CD82: variants seen among roughly 807,000 people sequenced by gnomAD.
The protein encoded by CD82 is CD82 molecule.
In CD82, 36 loss-of-function variants were observed where a neutral mutation model predicts 37.4. The ratio of observed to expected loss-of-function variants is 0.96; its 90% CI spans 0.74 to 1.27. The LOEUF (loss-of-function observed/expected upper bound fraction) is 1.27, where lower values mean the gene tolerates loss of function less well. Among genes scored for constraint, CD82 ranks in the 50% most tolerant of loss-of-function variants. The probability of loss-of-function intolerance (pLI) is 0.00; values close to 1 mark genes in which losing one functional copy is unlikely to be tolerated. For synonymous variants in CD82, 158 were observed against 137.4 expected (o/e 1.15, Z -1.05); for missense variants, 340 against 347.0 (o/e 0.98, Z 0.16).
chr11:44,589,990 CGCCT>C (rs1167611322), intron 2 of CD82, among the ~76,000 whole-genome samples: 5 of 152,180 alleles, frequency 3.3e-5, no homozygotes, highest in Admixed American at 6.5e-5. Context: ...CCCGCCACCA[CGCCT>C]GGCTAATTTT....
intron 4 of CD82, among the ~76,000 whole-genome samples, chr11:44,603,181 G>A (rs1175694174): frequency 6.6e-6 from 1 of 152,188 alleles, no homozygotes; most frequent in Non-Finnish European, 1.5e-5. Flanking sequence ...AGTGCCAGAA[G>A]ATCCCCGCAC....
At chr11:44,587,001 C>T (rs1282491917) in intron 1 of CD82, among the ~76,000 whole-genome samples, 5 of 152,172 alleles carry the variant, frequency 3.3e-5, no homozygotes, top group Non-Finnish European at 5.9e-5. Flanking sequence ...TGTAACAACC[C>T]AGATGTCAAC....
chr11:44,596,639 G>C (rs559643774), intron 3 of CD82, among the ~76,000 whole-genome samples: 11 of 152,298 alleles, frequency 7.2e-5, no homozygotes, highest in African/African-American at 2.6e-4. Context: ...GGTGTTAACT[G>C]TCTGTGTACT....
rs1853598310 is a variant in CD82 at position 44,618,351 on chromosome 11, C to T, written c.628C>T (p.Pro210Ser). 6.2e-7 allele frequency: 1 copy of T among 1,613,062 alleles called. No individual in the cohort carries two copies. Among genetic ancestry groups the T allele is most frequent in the Non-Finnish European group, 8.5e-7 (1 of 1,179,958 alleles). ...GAGTGGCAACCACCCTGAGGACTGG[C>T]CTGTGTACCAGGAGGTGTGCGGGGG... ...TQSGNHPEDW[P>S]VYQEGCMEKV... The change falls in exon 8 of 10, where the codon CCT (proline) becomes TCT (serine). Residue 210 changes from proline to serine, a missense_variant. Transcript: ENST00000227155.
intron 2 of CD82, 59 bp downstream of exon 2, chr11:44,587,615 G>A (rs1425691921): frequency 1.8e-5 from 8 of 455,394 alleles, no homozygotes; most frequent in South Asian, 7.8e-5. Context: ...GCTGTGAGGC[G>A]AGGAAGGTGG....
chr11:44,572,287 A>C (rs1852824992), intron 1 of CD82, among the ~76,000 whole-genome samples: 1 of 152,234 alleles, frequency 6.6e-6, no homozygotes, highest in Non-Finnish European at 1.5e-5. Flanking sequence ...CCCGTTACGA[A>C]ATACAATTAT....
At position 44,615,331 on chromosome 11, in the gene CD82, C is replaced by G; in HGVS notation, c.396C>G (p.Arg132=). The G allele has an allele frequency of 5.0e-6, 8 of 1,613,722 alleles. No homozygotes were observed. The highest frequency in any genetic ancestry group is 6.8e-6 in the Non-Finnish European group (8 of 1,179,654). The change falls in exon 7 of 10, where the codon CGC becomes CGG. Residue 132 remains arginine, a synonymous_variant. Coordinates refer to ENST00000227155, the MANE Select transcript of CD82 (RefSeq NM_002231.4). ...TCATTCGAGACTACAACAGCAGTCG[C>G]GAGGACAGCCTGCAGGATGCCTGGG... ...TELIRDYNSS[R]EDSLQDAWDY...
At chr11:44,588,620 G>A (rs913652437) in intron 2 of CD82, among the ~76,000 whole-genome samples, 1 of 152,214 alleles carries the variant, frequency 6.6e-6, no homozygotes, top group Non-Finnish European at 1.5e-5. Context: ...GGAGGCATTA[G>A]AACTGCATTC....
intron 6 of CD82, among the ~76,000 whole-genome samples, chr11:44,610,998 C>T (rs992218564): frequency 6.6e-6 from 1 of 152,064 alleles, no homozygotes; most frequent in African/African-American, 2.4e-5. Flanking sequence ...CCAGGCCCAG[C>T]TAATTTTTGT....
At chr11:44,607,203 A>G (rs1329916930) in intron 6 of CD82, among the ~76,000 whole-genome samples, 3 of 152,246 alleles carry the variant, frequency 2.0e-5, no homozygotes, top group African/African-American at 7.2e-5. Flanking sequence ...TCAACAAATA[A>G]CATTTAATAG....
chr11:44,575,033 T>C (rs1450517548), intron 1 of CD82, among the ~76,000 whole-genome samples: 1 of 152,244 alleles, frequency 6.6e-6, no homozygotes, highest in Non-Finnish European at 1.5e-5. Flanking sequence ...CCAGCTCAGA[T>C]GGTTTTTAAA....
chr11:44,616,359 G>A (rs1853563959), intron 7 of CD82, among the ~76,000 whole-genome samples: 2 of 152,260 alleles, frequency 1.3e-5, no homozygotes, highest in African/African-American at 2.4e-5. Context: ...TGTTTTGGTC[G>A]CATATGTAGT....
upstream of CD82, chr11:44,564,555 C>G: frequency 2.2e-6 from 1 of 453,810 alleles, no homozygotes; most frequent in South Asian, 1.6e-5. Context: ...AGGGCTGGGA[C>G]GCAGGGTGGG....
At chr11:44,589,170 C>T (rs756660917) in intron 2 of CD82, among the ~76,000 whole-genome samples, 16 of 152,324 alleles carry the variant, frequency 1.1e-4, no homozygotes, top group African/African-American at 2.4e-4. Context: ...GCAGGAGAAT[C>T]ACTTGACCCT....
At chr11:44,589,818 G>A (rs75690518) in intron 2 of CD82, among the ~76,000 whole-genome samples, 2 of 152,248 alleles carry the variant, frequency 1.3e-5, no homozygotes, top group South Asian at 2.1e-4. Flanking sequence ...AAGGGTAGTC[G>A]TGACCCTTGC....
At chr11:44,605,017 C>A (rs760118320) in intron 4 of CD82, 41 bp from the exon 5 acceptor site, 3 of 1,614,076 alleles carry the variant, frequency 1.9e-6, no homozygotes, top group Non-Finnish European at 2.5e-6. Context: ...GGTGTTTATA[C>A]CTGCTGTGCC....
intron 7 of CD82, among the ~76,000 whole-genome samples, chr11:44,616,066 T>A (rs1460867127): frequency 6.6e-6 from 1 of 152,154 alleles, no homozygotes; most frequent in East Asian, 1.9e-4. Context: ...GGCTGGGACC[T>A]GACATCTCTG....
intron 1 of CD82, 92 bp from the exon 2 acceptor site, chr11:44,587,383 G>T (rs1853072361): frequency 6.2e-5 from 28 of 450,348 alleles, no homozygotes; most frequent in South Asian, 4.3e-4. Context: ...CGGCCACACG[G>T]GGAGCCTGGA....
rs755676482 is a variant in CD82, at chr11:44,597,301, C to T, written c.63+2576C>T. ...GTGCTGTGGCTATGCTGGGGAAGGA[C>T]GCTCACTGCTCTGAGGGTCCTGGCT... On this transcript the variant is annotated intron_variant, in intron 3 of 9. Transcript: ENST00000227155. The surrounding 1 kb of genome is among the most constrained non-coding windows in gnomAD (Gnocchi z 4.1). Among the ~76,000 whole-genome samples the T allele has an allele frequency of 2.6e-5, 4 of 152,322 alleles. No individual in the cohort carries two copies. The highest frequency in any genetic ancestry group is 2.1e-4 in the South Asian group (1 of 4,830).
Sources: allele counts gnomAD v4.1 joint callset (sites outside exome capture counted in the v4.1 genomes callset), GRCh38; gene constraint gnomAD v4.1.1; non-coding constraint Gnocchi (gnomAD v3.1); transcripts MANE v1.5; gene names NCBI Gene and HGNC (gene_info 2026-07-23, HGNC 2026-07-21).